The following NRIP1 variants were observed in gnomAD, a reference collection of about 807,000 sequenced individuals.
NRIP1 encodes the protein nuclear receptor interacting protein 1.
NRIP1 carries 28 observed loss-of-function variants against 75.0 expected under a neutral mutation model. The ratio of observed to expected loss-of-function variants is 0.37; its 90% confidence interval spans 0.28 to 0.51. The LOEUF is 0.51. NRIP1 is among the 20% of genes least tolerant of loss of function. The pLI is 0.92. For synonymous variants in NRIP1, 526 were observed against 487.6 expected (o/e 1.08, Z -1.04); for missense variants, 1,435 against 1,343.7 (o/e 1.07, Z -1.06).
At chr21:15,005,489 AGGGCGGGTTAGTGT>A (rs1262956284) in intron 3 of NRIP1, among the ~76,000 whole-genome samples, 1 of 152,146 alleles carries the variant, frequency 6.6e-6, no homozygotes, top group African/African-American at 2.4e-5. Flanking sequence ...TGAATGTCAC[AGGGCGGGTTAGTGT>A]GACCTTGAGC....
In NRIP1 at chr21:15,019,198, CTAAGA is replaced by C. The variant is rs543485051; in HGVS notation, c.-457-4737_-457-4733del. Reference sequence around the variant, plus strand: ...TCAGTGTTAAAACAATCTTTCCTTTCTAAGATAATTGCCTACAACTAATATCATAC... The same window carrying C: ...TCAGTGTTAAAACAATCTTTCCTTTCTAATTGCCTACAACTAATATCATAC... On this transcript the variant is annotated intron_variant, in intron 2 of 3. Transcript: ENST00000318948. Among the ~76,000 whole-genome samples the C allele has an allele frequency of 1.7e-3, 257 of 148,906 alleles. 1 individual carries two copies. Among genetic ancestry groups the C allele is most frequent in the Non-Finnish European group, 3.0e-3 (203 of 67,352 alleles).
chr21:14,974,144 T>C lies in NRIP1; in HGVS notation c.-334-5618A>G, dbSNP rs556827587. ...AAATGACACAAAACAACTTCACTGATTTTTTTTCATAAGAATTTAAACATA... is the reference window on the plus strand; with the variant it reads ...AAATGACACAAAACAACTTCACTGACTTTTTTTCATAAGAATTTAAACATA... On this transcript the variant is annotated intron_variant, in intron 3 of 3. Transcript: ENST00000318948. 2.6e-5 allele frequency: 4 copies of C among 152,128 alleles called. No homozygotes were observed. The East Asian group carries it at 7.7e-4, about 29-fold the overall frequency. 9.4% of individuals were successfully genotyped at this position (152,128 alleles called of 1,614,324 possible). A position where few individuals can be genotyped will look rare whatever the true frequency, so the allele number is the denominator to read the frequency against.
chr21:15,023,056 T>G (rs1222303866), intron 2 of NRIP1, among the ~76,000 whole-genome samples: 1 of 152,090 alleles, frequency 6.6e-6, no homozygotes, highest in African/African-American at 2.4e-5. Flanking sequence ...TGTCTAGGGC[T>G]GGGGTGGGAA....
intron 2 of NRIP1, among the ~76,000 whole-genome samples, chr21:15,027,760 A>G (rs2088555856): frequency 6.6e-6 from 1 of 152,212 alleles, no homozygotes; most frequent in Non-Finnish European, 1.5e-5. Context: ...GGTTCTTAAC[A>G]AAATGCATTT....
chr21:14,981,541 C>T (rs1021876828), intron 3 of NRIP1, among the ~76,000 whole-genome samples: 2 of 152,104 alleles, frequency 1.3e-5, no homozygotes, highest in Admixed American at 6.5e-5. Flanking sequence ...AGGATGACTC[C>T]GGTGTGCTGA....
chr21:15,065,204 G>T (rs1215359512), upstream of NRIP1, among the ~76,000 whole-genome samples: 1 of 152,062 alleles, frequency 6.6e-6, no homozygotes, highest in Non-Finnish European at 1.5e-5. Flanking sequence ...CGGCTCACAG[G>T]AGCTGCGGAA....
intron 1 of NRIP1, among the ~76,000 whole-genome samples, chr21:15,060,031 TACC>T (rs1176052754): frequency 7.9e-5 from 12 of 152,170 alleles, no homozygotes; most frequent in African/African-American, 2.9e-4. Flanking sequence ...TAAGCTAAAA[TACC>T]ACAACTTTTG....
At chr21:14,973,516 T>A (rs2086962523) in intron 3 of NRIP1, among the ~76,000 whole-genome samples, 1 of 152,190 alleles carries the variant, frequency 6.6e-6, no homozygotes, top group Admixed American at 6.5e-5. Flanking sequence ...AACTCAGTGA[T>A]GTTTGTTTCA....
intron 1 of NRIP1, among the ~76,000 whole-genome samples, chr21:15,059,496 C>T (rs796956930): frequency 3.3e-5 from 5 of 151,128 alleles, no homozygotes; most frequent in Admixed American, 1.3e-4. Flanking sequence ...TTTTTTGCTA[C>T]CCCAGCCCTA....
intron 3 of NRIP1, among the ~76,000 whole-genome samples, chr21:14,984,669 A>G (rs1264792424): frequency 6.6e-6 from 1 of 152,212 alleles, no homozygotes; most frequent in Non-Finnish European, 1.5e-5. Flanking sequence ...TGCTATCATC[A>G]AACAGCAACA....
Position 15,055,562 on chromosome 21 carries a change from C to A in NRIP1, c.-538+9183G>T, listed in dbSNP as rs189853563. Among the ~76,000 whole-genome samples, 14 of 152,306 alleles carry A rather than the reference C, an allele frequency of 9.2e-5. No individual in the cohort carries two copies. In the East Asian group the frequency reaches 2.7e-3, roughly 29 times the overall value. Reference sequence around the variant, plus strand: ...TGATGCAGCCAGCCAATTCTCGTTTCATGTCTCAAGACCCAGTTCTTATTA... The same window carrying A: ...TGATGCAGCCAGCCAATTCTCGTTTAATGTCTCAAGACCCAGTTCTTATTA... On this transcript the variant is annotated intron_variant, in intron 1 of 3. Coordinates refer to ENST00000318948, the MANE Select transcript of NRIP1 (RefSeq NM_003489.4).
intron 2 of NRIP1, among the ~76,000 whole-genome samples, chr21:15,031,318 T>C (rs947363798): frequency 1.4e-5 from 2 of 147,578 alleles, no homozygotes; most frequent in East Asian, 4.7e-4. Context: ...TCCCTTTCTA[T>C]GTGTATACAC....
chr21:15,065,324 G>T (rs1978795167), upstream of NRIP1, among the ~76,000 whole-genome samples: 1 of 151,822 alleles, frequency 6.6e-6, no homozygotes, highest in South Asian at 2.1e-4. Flanking sequence ...GGGGCTGCAC[G>T]GCGCGCCCGG....
Position 14,967,731 on chromosome 21 carries a change from C to G in NRIP1, c.462G>C (p.Arg154Ser), listed in dbSNP as rs1410750828. The change falls in exon 4 of 4, where the codon AGG becomes AGC. Residue 154 changes from arginine to serine, a missense_variant. Transcript: ENST00000318948. ...CATATCCTTGCTCCTTGAGGCTCTG[C>G]CTGATTTGTTGTGACAGAGCAACAG... ...LQTVALSQQI[R>S]QSLKEQGYAL... 6.2e-7 allele frequency: 1 copy of G among 1,614,042 alleles called. No homozygotes were observed. Among genetic ancestry groups the G allele is most frequent in the Admixed American group, 1.7e-5 (1 of 59,982 alleles).
intron 2 of NRIP1, among the ~76,000 whole-genome samples, chr21:15,025,180 T>G (rs2088487038): frequency 2.0e-5 from 3 of 151,906 alleles, no homozygotes; most frequent in Admixed American, 2.0e-4. Flanking sequence ...CAAGTAAAAC[T>G]AAGGGGCAGG....
chr21:15,062,385 T>C (rs1435338036), intron 1 of NRIP1, among the ~76,000 whole-genome samples: 1 of 152,258 alleles, frequency 6.6e-6, no homozygotes, highest in Non-Finnish European at 1.5e-5. Flanking sequence ...TTTTTGCTTT[T>C]GTTTCATCTG....
intron 1 of NRIP1, among the ~76,000 whole-genome samples, chr21:15,061,787 C>G (rs77696344): frequency 2.6e-5 from 4 of 152,158 alleles, no homozygotes; most frequent in Non-Finnish European, 5.9e-5. Flanking sequence ...CCTCATATAT[C>G]CTAAGCCACT....
chr21:15,044,773 A>G (rs1713318467), intron 1 of NRIP1, among the ~76,000 whole-genome samples: 1 of 152,154 alleles, frequency 6.6e-6, no homozygotes, highest in Admixed American at 6.5e-5. Context: ...GCTTAAAGTA[A>G]TACTTCCCCA....
chr21:14,965,271 A>G lies in NRIP1; in HGVS notation c.2922T>C (p.Pro974=). ...CATTTAAAGAAGAAATGCTAAATTC[A>G]GGTTTGCTGTTGGTCACATTATTTT... ...GHKNNVTNSK[P]EFSISSLNGL... The change falls in exon 4 of 4, where the codon CCT becomes CCC. Residue 974 remains proline, a synonymous_variant. Transcript: ENST00000318948. 1.9e-6 allele frequency: 3 copies of G among 1,614,018 alleles called. No individual in the cohort carries two copies. Among genetic ancestry groups the G allele is most frequent in the Middle Eastern group, 1.7e-4 (1 of 6,060 alleles).
Sources: gnomAD v4.1 joint callset for allele counts (sites outside exome capture counted in the v4.1 genomes callset) on GRCh38, gnomAD v4.1.1 for gene constraint, MANE v1.5 for transcripts, NCBI Gene and HGNC (gene_info 2026-07-23, HGNC 2026-07-21) for gene names.